The following SLC41A2 variants were observed in gnomAD, a reference collection of about 807,000 sequenced individuals.
The protein encoded by SLC41A2 is SLC41A1-like 1.
Under a neutral mutation model 58.3 loss-of-function variants are expected in SLC41A2, and 32 were observed. The observed-to-expected ratio is 0.55, with a 90% CI of 0.41 to 0.74. SLC41A2 has a LOEUF of 0.74. Among genes scored for constraint, SLC41A2 ranks in the 30% least tolerant of loss-of-function variants. The pLI is 0.00. For synonymous variants in SLC41A2, 190 were observed against 235.0 expected, an observed-to-expected ratio of 0.81 and a Z score of 1.75; for missense variants, 514 against 680.6, an observed-to-expected ratio of 0.76 and a Z score of 2.72.
chr12:104,902,899 T>C (rs550814074), intron 3 of SLC41A2, among the ~76,000 whole-genome samples: 1 of 152,280 alleles, frequency 6.6e-6, no homozygotes, highest in East Asian at 1.9e-4. Flanking sequence ...GAACTATAGT[T>C]TTCTACCCAG....
chr12:104,872,504 C>G (rs1020912915), intron 6 of SLC41A2, among the ~76,000 whole-genome samples: 1 of 152,112 alleles, frequency 6.6e-6, no homozygotes, highest in Non-Finnish European at 1.5e-5. Context: ...GAGGCCGACA[C>G]GGGTGGATCA....
chr12:104,853,911 A>ATTATTATTATTATTTATTT, intron 8 of SLC41A2, among the ~76,000 whole-genome samples: 1 of 59,498 alleles, frequency 1.7e-5, no homozygotes, highest in Admixed American at 2.2e-4. Flanking sequence ...TGCCTGGCTG[A>ATTATTATTATTATTTATTT]TTTTTTTTTT....
intron 8 of SLC41A2, among the ~76,000 whole-genome samples, chr12:104,848,535 T>C (rs1471869180): frequency 1.3e-5 from 2 of 151,522 alleles, no homozygotes; most frequent in Non-Finnish European, 2.9e-5. Context: ...TTTGAATAGA[T>C]AAAAAAGAGG....
chr12:104,814,244 A>T (rs2136214345), intron 10 of SLC41A2, among the ~76,000 whole-genome samples: 1 of 152,110 alleles, frequency 6.6e-6, no homozygotes, highest in East Asian at 1.9e-4. Flanking sequence ...TCTCTACAAA[A>T]ATTATAAAAA....
At chr12:104,874,937 T>C (rs559960090) in intron 6 of SLC41A2, among the ~76,000 whole-genome samples, 36 of 152,352 alleles carry the variant, frequency 2.4e-4, no homozygotes, top group African/African-American at 8.7e-4. Flanking sequence ...TTGGGTAGTA[T>C]GGATGATACT....
At chr12:104,904,461 T>C (rs1180809991) in intron 3 of SLC41A2, among the ~76,000 whole-genome samples, 1 of 152,206 alleles carries the variant, frequency 6.6e-6, no homozygotes. Flanking sequence ...TCTTATAACA[T>C]AATACAAGTA....
At chr12:104,806,252 C>T (rs945103722) in intron 10 of SLC41A2, among the ~76,000 whole-genome samples, 2 of 150,134 alleles carry the variant, frequency 1.3e-5, no homozygotes, top group African/African-American at 4.9e-5. Flanking sequence ...GTGTGATGTT[C>T]CCCTTCCCGT....
chr12:104,903,337 T>A lies in SLC41A2; in HGVS notation c.663+6318A>T, dbSNP rs566262233. ...TCCATTGGTTTCTTATCTCACAAAC[T>A]AGGCAAATCCGTACATAATCTGGCC... is the stretch of plus-strand genomic sequence containing the variant. On this transcript the variant is annotated intron_variant, in intron 3 of 10. Transcript: ENST00000258538. Among the ~76,000 whole-genome samples, 3 of 152,348 alleles carry A rather than the reference T, an allele frequency of 2.0e-5. No individual in the cohort carries two copies. In the South Asian group the frequency reaches 6.2e-4, roughly 32 times the overall value.
intron 2 of SLC41A2, among the ~76,000 whole-genome samples, chr12:104,919,107 A>G (rs2046468797): frequency 6.6e-6 from 1 of 152,218 alleles, no homozygotes; most frequent in Non-Finnish European, 1.5e-5. Flanking sequence ...TACAATCTAT[A>G]ATATTTTAAG....
In SLC41A2 at chr12:104,894,215, G is replaced by A. The variant is rs578151364; in HGVS notation, c.735+1059C>T. ...CAAAAAGTACAAAAATTAACCAGGC[G>A]TGGTGGCGCGTACCTGTAGTCCCAG... On this transcript the variant is annotated intron_variant, in intron 4 of 10. Transcript: ENST00000258538. Among the ~76,000 whole-genome samples the A allele has an allele frequency of 5.3e-4, 80 of 151,990 alleles. No individual in the cohort carries two copies. The South Asian group carries it at 0.015, about 28-fold the overall frequency.
At chr12:104,955,051 G>A (rs1012498561) in intron 1 of SLC41A2, among the ~76,000 whole-genome samples, 4 of 119,816 alleles carry the variant, frequency 3.3e-5, no homozygotes, top group Non-Finnish European at 4.9e-5. Context: ...GAGTTAAGAC[G>A]AAGTTTTGCT....
chr12:104,835,225 T>C (rs554441932), intron 10 of SLC41A2, among the ~76,000 whole-genome samples: 1 of 152,344 alleles, frequency 6.6e-6, no homozygotes, highest in Middle Eastern at 3.4e-3. Flanking sequence ...TGCAGGTATT[T>C]GATGGTGGAA....
chr12:104,807,269 C>A (rs1401004978), intron 10 of SLC41A2, among the ~76,000 whole-genome samples: 1 of 152,194 alleles, frequency 6.6e-6, no homozygotes, highest in East Asian at 1.9e-4. Context: ...GATCCAGTTT[C>A]AGCCTTCTAC....
intron 2 of SLC41A2, among the ~76,000 whole-genome samples, chr12:104,916,825 A>G (rs943111623): frequency 5.9e-5 from 9 of 152,136 alleles, no homozygotes; most frequent in African/African-American, 1.9e-4. Flanking sequence ...AAATTAATTC[A>G]AGATGGATTA....
At chr12:104,935,294 T>A (rs1291111758) in intron 1 of SLC41A2, among the ~76,000 whole-genome samples, 1 of 152,072 alleles carries the variant, frequency 6.6e-6, no homozygotes, top group Non-Finnish European at 1.5e-5. Flanking sequence ...TTGCACTGTA[T>A]GTTGACCACA....
At chr12:104,957,684 A>T (rs898571820) in intron 1 of SLC41A2, among the ~76,000 whole-genome samples, 3 of 152,224 alleles carry the variant, frequency 2.0e-5, no homozygotes, top group African/African-American at 7.2e-5. Context: ...AGAATGAAAG[A>T]AAAGGGTGAC....
In SLC41A2 at chr12:104,947,194, C is replaced by CTTTT. The variant is rs1491116311; in HGVS notation, c.-168+10893_-168+10894insAAAA. Among the ~76,000 whole-genome samples the CTTTT allele has an allele frequency of 1.7e-4, 9 of 53,668 alleles. 3 individuals carry two copies. The highest frequency in any genetic ancestry group is 1.4e-4 in the Non-Finnish European group (4 of 28,164). 35.2% of individuals were successfully genotyped at this position (53,668 alleles called of 152,430 possible). A position where few individuals can be genotyped will look rare whatever the true frequency, so the allele number is the denominator to read the frequency against. On this transcript the variant is annotated intron_variant, in intron 1 of 10. Coordinates refer to ENST00000258538, the MANE Select transcript of SLC41A2 (RefSeq NM_001352171.3). Reference sequence around the variant, plus strand: ...CTGAATTTCTGGCTTTTATTTTTGTCCTTTTTTTTTTTTTTTTTTTTTTTT... The same window carrying CTTTT: ...CTGAATTTCTGGCTTTTATTTTTGTCTTTTCTTTTTTTTTTTTTTTTTTTTTTTT...
At chr12:104,880,522 T>G (rs1002524489) in intron 6 of SLC41A2, among the ~76,000 whole-genome samples, 2 of 152,212 alleles carry the variant, frequency 1.3e-5, no homozygotes, top group South Asian at 2.1e-4. Flanking sequence ...GTTTTTAGCA[T>G]GAAGGGCTGT....
At chr12:104,865,745 A>G (rs1430360919) in intron 7 of SLC41A2, among the ~76,000 whole-genome samples, 1 of 152,170 alleles carries the variant, frequency 6.6e-6, no homozygotes, top group Non-Finnish European at 1.5e-5. Context: ...TTAATAGGAA[A>G]TTCATACTCT....
Sources: gnomAD v4.1 joint callset for allele counts (sites outside exome capture counted in the v4.1 genomes callset) on GRCh38, gnomAD v4.1.1 for gene constraint, MANE v1.5 for transcripts, NCBI Gene and HGNC (gene_info 2026-07-23, HGNC 2026-07-21) for gene names.